TMTC2: variants seen among roughly 807,000 people sequenced by gnomAD.
TMTC2 encodes the protein protein O-mannosyl-transferase TMTC2.
TMTC2 carries 43 observed loss-of-function variants against 82.4 expected under a neutral mutation model. That is an observed-to-expected ratio of 0.52 (90% CI 0.41 to 0.67). The LOEUF (loss-of-function observed/expected upper bound fraction) is 0.67. TMTC2 is among the 30% of genes least tolerant of loss of function. The probability of loss-of-function intolerance (pLI) is 0.00; values close to 1 mark genes in which losing one functional copy is unlikely to be tolerated. For missense variants in TMTC2, 919 were observed against 1,012.4 expected (o/e 0.91, Z 1.25); for synonymous variants, 408 against 381.9 (o/e 1.07, Z -0.80).
chr12:83,044,580 C>A (rs1333984590), intron 9 of TMTC2, among the ~76,000 whole-genome samples: 1 of 152,160 alleles, frequency 6.6e-6, no homozygotes, highest in Non-Finnish European at 1.5e-5. Flanking sequence ...TTGCTGTCAT[C>A]CAGGGTGATG....
At chr12:82,988,927 G>C (rs1450354497) in intron 8 of TMTC2, among the ~76,000 whole-genome samples, 1 of 148,382 alleles carries the variant, frequency 6.7e-6, no homozygotes, top group Admixed American at 6.8e-5. Flanking sequence ...AAACATCAAT[G>C]GGTAACCAAG....
chr12:82,825,881 C>CA (rs1869392836), intron 1 of TMTC2, among the ~76,000 whole-genome samples: 2 of 152,090 alleles, frequency 1.3e-5, no homozygotes. Context: ...CACACACACT[C>CA]TCACACAGTG....
intron 7 of TMTC2, among the ~76,000 whole-genome samples, chr12:82,983,439 A>G (rs1035363344): frequency 6.6e-6 from 1 of 152,024 alleles, no homozygotes; most frequent in African/African-American, 2.4e-5. Context: ...ATTATTGAGC[A>G]AATTAATAGT....
At chr12:83,041,759 G>GA (rs1177634469) in intron 9 of TMTC2, among the ~76,000 whole-genome samples, 2 of 151,232 alleles carry the variant, frequency 1.3e-5, no homozygotes, top group East Asian at 3.9e-4. Flanking sequence ...TTCTTTAAGG[G>GA]AAAATTAATG....
intron 1 of TMTC2, among the ~76,000 whole-genome samples, chr12:82,825,991 A>T (rs1354770728): frequency 6.6e-6 from 1 of 152,230 alleles, no homozygotes; most frequent in Non-Finnish European, 1.5e-5. Flanking sequence ...TCAAAAACTT[A>T]TTTCAGAATG....
chr12:83,030,022 C>T (rs921216299), intron 8 of TMTC2, among the ~76,000 whole-genome samples: 3 of 152,096 alleles, frequency 2.0e-5, no homozygotes, highest in Admixed American at 2.0e-4. Flanking sequence ...TTGAGATTCA[C>T]CAAATTGTGA....
chr12:82,966,618 A>T (rs1014850028), intron 6 of TMTC2, among the ~76,000 whole-genome samples: 8 of 152,200 alleles, frequency 5.3e-5, no homozygotes, highest in Non-Finnish European at 7.4e-5. Context: ...ATATATATAT[A>T]GTTTTTTTGG....
chr12:82,698,868 T>A (rs1872941312), intron 1 of TMTC2, among the ~76,000 whole-genome samples: 1 of 152,122 alleles, frequency 6.6e-6, no homozygotes, highest in Non-Finnish European at 1.5e-5. Context: ...AATGAGCGGG[T>A]AGTGTAGACT....
chr12:83,105,576 C>T (rs1324363010), intron 11 of TMTC2, among the ~76,000 whole-genome samples: 1 of 152,044 alleles, frequency 6.6e-6, no homozygotes, highest in East Asian at 1.9e-4. Flanking sequence ...GTGCCATCCA[C>T]TTAAACAAGC....
intron 11 of TMTC2, among the ~76,000 whole-genome samples, chr12:83,109,513 A>T (rs1329514572): frequency 1.3e-5 from 2 of 152,166 alleles, no homozygotes; most frequent in Admixed American, 6.5e-5. Flanking sequence ...AAGCTCTCTT[A>T]CCAGGTTTTC....
chr12:82,814,759 A>G (rs950546660), intron 1 of TMTC2, among the ~76,000 whole-genome samples: 9 of 152,172 alleles, frequency 5.9e-5, no homozygotes, highest in African/African-American at 2.2e-4. Flanking sequence ...GACAACAGAA[A>G]TAGTCAGATG....
At chr12:83,028,878 A>G (rs865946322) in intron 8 of TMTC2, among the ~76,000 whole-genome samples, 7 of 152,314 alleles carry the variant, frequency 4.6e-5, no homozygotes, top group South Asian at 2.1e-4. Flanking sequence ...CTTTCCTTTG[A>G]AGTTAAAATG....
chr12:82,734,719 A>G (rs1874998023), intron 1 of TMTC2, among the ~76,000 whole-genome samples: 1 of 152,188 alleles, frequency 6.6e-6, no homozygotes, highest in South Asian at 2.1e-4. Flanking sequence ...TTCCTGGAGG[A>G]TGAAGTCCCT....
At chr12:82,712,362 G>A (rs1480888784) in intron 1 of TMTC2, among the ~76,000 whole-genome samples, 1 of 150,694 alleles carries the variant, frequency 6.6e-6, no homozygotes, top group African/African-American at 2.4e-5. Flanking sequence ...ACCAGAAGGT[G>A]GAGGTTGCAG....
intron 1 of TMTC2, among the ~76,000 whole-genome samples, chr12:82,770,568 T>C (rs1289756935): frequency 6.6e-6 from 1 of 152,056 alleles, no homozygotes; most frequent in Non-Finnish European, 1.5e-5. Flanking sequence ...TATCTTTCAT[T>C]TGTGTGAGAA....
intron 9 of TMTC2, among the ~76,000 whole-genome samples, chr12:83,048,820 C>G (rs1295269377): frequency 1.3e-5 from 2 of 152,170 alleles, no homozygotes; most frequent in African/African-American, 4.8e-5. Context: ...AGGCACCCAC[C>G]ACTGTGCCTG....
rs1248707722 is a variant in TMTC2, at chr12:82,997,398, G to GTATATA, written c.2070+11358_2070+11363dup. On this transcript the variant is annotated intron_variant, in intron 8 of 11. Coordinates refer to ENST00000321196, the MANE Select transcript of TMTC2 (RefSeq NM_152588.3). ...TATATATATGTGTATATATATATGT[G>GTATATA]TATATATATATGTGTATATATATAT... Among the ~76,000 whole-genome samples, 106 of 45,998 alleles carry GTATATA rather than the reference G, an allele frequency of 2.3e-3. 3 individuals are homozygous for GTATATA. The highest frequency in any genetic ancestry group is 3.4e-3 in the Admixed American group (11 of 3,254). The allele number at this position is 45,998 out of a possible 152,430, so 30.2% of individuals were successfully genotyped here.
chr12:82,831,536 G>C (rs1055168649), intron 1 of TMTC2, among the ~76,000 whole-genome samples: 2 of 152,126 alleles, frequency 1.3e-5, no homozygotes, highest in East Asian at 1.9e-4. Context: ...TTTAGCAAAG[G>C]GGAATGGGAT....
chr12:82,815,309 ATTAT>A (rs1555187623), intron 1 of TMTC2, among the ~76,000 whole-genome samples: 1 of 146,892 alleles, frequency 6.8e-6, no homozygotes, highest in African/African-American at 2.5e-5. Flanking sequence ...TAATTAATTA[ATTAT>A]TTATTTATTT....
Sources: allele counts gnomAD v4.1 joint callset (sites outside exome capture counted in the v4.1 genomes callset), GRCh38; gene constraint gnomAD v4.1.1; transcripts MANE v1.5; gene names NCBI Gene and HGNC (gene_info 2026-07-23, HGNC 2026-07-21).